VWC2L: variants seen among roughly 807,000 people sequenced by gnomAD.
VWC2L encodes von Willebrand factor C domain-containing protein 2-like.
In VWC2L, 10 loss-of-function variants were observed where a neutral mutation model predicts 21.6. The observed-to-expected ratio is 0.46, with a 90% CI of 0.29 to 0.78. The LOEUF (loss-of-function observed/expected upper bound fraction) is 0.78, where lower values mean the gene tolerates loss of function less well. VWC2L is among the 30% of genes least tolerant of loss of function. The pLI is 0.10. For missense variants in VWC2L, 209 were observed against 277.1 expected (o/e 0.75, Z 1.74); for synonymous variants, 96 against 94.3 (o/e 1.02, Z -0.10).
chr2:214,431,810 C>A (rs188805206), intron 2 of VWC2L, among the ~76,000 whole-genome samples: 1 of 152,158 alleles, frequency 6.6e-6, no homozygotes, highest in Non-Finnish European at 1.5e-5. Context: ...TTTAGCAATT[C>A]CTCTGCATGT....
rs114996290 is a variant in VWC2L, at chr2:214,432,709, T to C, written c.391-3920T>C. 3.7e-3 allele frequency among the ~76,000 whole-genome samples: 564 copies of C among 152,206 alleles called. 5 individuals carry two copies. The highest frequency in any genetic ancestry group is 0.013 in the African/African-American group (551 of 41,534). ...TAATCTAGGGCCAGCTGGGACAGCA[T>C]TTGGAATTGCCATACAAGGTATGCA... On this transcript the variant is annotated intron_variant, in intron 2 of 3. Transcript: ENST00000312504.
At chr2:214,564,474 T>TG (rs1690031271) in intron 3 of VWC2L, among the ~76,000 whole-genome samples, 1 of 151,516 alleles carries the variant, frequency 6.6e-6, no homozygotes, top group African/African-American at 2.4e-5. Context: ...AATTGATGTT[T>TG]TTTTTTATAT....
chr2:214,423,285 A>C (rs1214456061), intron 2 of VWC2L, among the ~76,000 whole-genome samples: 3 of 152,136 alleles, frequency 2.0e-5, no homozygotes, highest in African/African-American at 7.2e-5. Context: ...ATAGAATTTT[A>C]GATCTAAAAC....
At chr2:214,559,528 C>T (rs937652133) in intron 3 of VWC2L, among the ~76,000 whole-genome samples, 27 of 152,152 alleles carry the variant, frequency 1.8e-4, no homozygotes, top group African/African-American at 6.3e-4. Context: ...TTAAGGCACC[C>T]GTCTTGGACT....
At chr2:214,533,047 C>A (rs1003235283) in intron 3 of VWC2L, among the ~76,000 whole-genome samples, 1 of 152,030 alleles carries the variant, frequency 6.6e-6, no homozygotes, top group African/African-American at 2.4e-5. Context: ...GACTGAAACC[C>A]AGGACAGTCT....
intron 3 of VWC2L, among the ~76,000 whole-genome samples, chr2:214,511,248 G>A (rs1574606454): frequency 6.6e-6 from 1 of 152,076 alleles, no homozygotes; most frequent in Non-Finnish European, 1.5e-5. Flanking sequence ...CTGGGCAACA[G>A]AGCAATACCC....
intron 2 of VWC2L, among the ~76,000 whole-genome samples, chr2:214,434,565 C>T (rs1702649586): frequency 6.6e-6 from 1 of 152,136 alleles, no homozygotes. Context: ...CCTGCCTTTG[C>T]CTCTTACTAC....
At chr2:214,535,797 AACACACAC>A (rs10581608) in intron 3 of VWC2L, among the ~76,000 whole-genome samples, 1 of 149,986 alleles carries the variant, frequency 6.7e-6, no homozygotes. Context: ...GGAAAAATGA[AACACACAC>A]ACACACACAC....
chr2:214,422,532 C>T (rs780896771), intron 2 of VWC2L, among the ~76,000 whole-genome samples: 8 of 152,132 alleles, frequency 5.3e-5, no homozygotes, highest in Non-Finnish European at 7.3e-5. Flanking sequence ...TTTAGGGAAG[C>T]GTTTGAAACA....
chr2:214,552,896 A>G (rs1574632783), intron 3 of VWC2L, among the ~76,000 whole-genome samples: 1 of 152,172 alleles, frequency 6.6e-6, no homozygotes, highest in African/African-American at 2.4e-5. Flanking sequence ...CTCTATAACT[A>G]AACTCTAGAC....
intron 3 of VWC2L, among the ~76,000 whole-genome samples, chr2:214,562,052 G>T (rs1366530858): frequency 6.6e-6 from 1 of 151,756 alleles, no homozygotes; most frequent in Non-Finnish European, 1.5e-5. Context: ...TTGTTACATA[G>T]GTAAACATAT....
intron 3 of VWC2L, among the ~76,000 whole-genome samples, chr2:214,495,543 C>A (rs1688799745): frequency 6.6e-6 from 1 of 152,180 alleles, no homozygotes; most frequent in Non-Finnish European, 1.5e-5. Flanking sequence ...TGGCAGAGAA[C>A]TTCACTGCCC....
intron 3 of VWC2L, among the ~76,000 whole-genome samples, chr2:214,518,651 G>A (rs921830265): frequency 2.0e-5 from 3 of 151,998 alleles, no homozygotes; most frequent in African/African-American, 4.8e-5. Flanking sequence ...TTCTACTTTC[G>A]AATACCTCAC....
In VWC2L at chr2:214,541,986, C is replaced by T. The variant is rs370805144; in HGVS notation, c.521-33686C>T. Reference sequence around the variant, plus strand: ...AAACAGCCACCAGAAGGGAAGTTCACCTGCTGAAGAGCTGCTGTTGTTTAT... The same window carrying T: ...AAACAGCCACCAGAAGGGAAGTTCATCTGCTGAAGAGCTGCTGTTGTTTAT... On this transcript the variant is annotated intron_variant, in intron 3 of 3. Transcript: ENST00000312504. Among the ~76,000 whole-genome samples the T allele has an allele frequency of 1.3e-4, 19 of 151,794 alleles. No individual in the cohort carries two copies. The East Asian group carries it at 1.6e-3, about 12-fold the overall frequency.
intron 3 of VWC2L, among the ~76,000 whole-genome samples, chr2:214,454,593 A>ATTTTATTT (rs1703025765): frequency 1.7e-5 from 1 of 59,766 alleles, no homozygotes; most frequent in Non-Finnish European, 3.3e-5. Flanking sequence ...ACATTGATTG[A>ATTTTATTT]TTTTCTTTTT....
Position 214,421,885 on chromosome 2 carries a change from CTTTTTTTTTT to C in VWC2L, c.390+7317_390+7326del, listed in dbSNP as rs761759449. 6.6e-5 allele frequency among the ~76,000 whole-genome samples: 5 copies of C among 76,166 alleles called. 1 individual carries two copies. The East Asian group carries it at 1.6e-3, about 24-fold the overall frequency. 50.0% of individuals were successfully genotyped at this position (76,166 alleles called of 152,430 possible). A position where few individuals can be genotyped will look rare whatever the true frequency, so the allele number is the denominator to read the frequency against. On this transcript the variant is annotated intron_variant, in intron 2 of 3. Transcript: ENST00000312504. ...CATAATTTTTTTCTATTTCCTACAT[CTTTTTTTTTT>C]TTTTTTTTTTTTTTGAGACGGAGTT...
chr2:214,567,595 C>CAGAGAGAGAGAGAGAG (rs10528003), intron 3 of VWC2L, among the ~76,000 whole-genome samples: 2 of 135,306 alleles, frequency 1.5e-5, no homozygotes, highest in Non-Finnish European at 3.1e-5. Flanking sequence ...CACACACACA[C>CAGAGAGAGAGAGAGAG]AGAGAGAGAG....
intron 2 of VWC2L, among the ~76,000 whole-genome samples, chr2:214,434,030 T>C (rs2126177719): frequency 6.6e-6 from 1 of 152,260 alleles, no homozygotes; most frequent in South Asian, 2.1e-4. Context: ...GATAAGAGAT[T>C]CTGAGTCAGA....
chr2:214,436,298 G>A (rs929417017), intron 2 of VWC2L: 21 of 209,658 alleles, frequency 1.0e-4, no homozygotes, highest in Non-Finnish European at 1.6e-4. Context: ...TACGAGAGGA[G>A]GTCAGAGCAA....
Sources: gnomAD v4.1 joint callset for allele counts (sites outside exome capture counted in the v4.1 genomes callset) on GRCh38, gnomAD v4.1.1 for gene constraint, MANE v1.5 for transcripts, NCBI Gene and HGNC (gene_info 2026-07-23, HGNC 2026-07-21) for gene names.